Variants in MRRF observed in about 807,000 individuals in gnomAD.
MRRF encodes the protein ribosome-recycling factor, mitochondrial.
In MRRF, 18 loss-of-function variants were observed where a neutral mutation model predicts 25.1. That is an observed-to-expected ratio of 0.72 (90% CI 0.50 to 1.06). The LOEUF (loss-of-function observed/expected upper bound fraction) is 1.06. Ranked by LOEUF, MRRF falls within the 50% of genes least tolerant of loss-of-function variation. MRRF has a pLI of 0.00. For synonymous variants in MRRF, 113 were observed against 112.1 expected (o/e 1.01, Z -0.05); for missense variants, 323 against 319.3 (o/e 1.01, Z -0.09).
chr9:122,274,081 C>T (rs1021821457), intron 2 of MRRF, among the ~76,000 whole-genome samples: 3 of 152,128 alleles, frequency 2.0e-5, no homozygotes, highest in African/African-American at 7.2e-5. Context: ...CTCCTCCCCT[C>T]ACTGTCATTG....
chr9:122,272,277 G>A (rs887674938), intron 2 of MRRF, among the ~76,000 whole-genome samples: 1 of 152,178 alleles, frequency 6.6e-6, no homozygotes, highest in Non-Finnish European at 1.5e-5. Flanking sequence ...CTACAGTACT[G>A]CAGTCTTCTA....
In MRRF at chr9:122,326,744, C is replaced by G. The variant is rs1323278159; in HGVS notation, c.*4127C>G. On this transcript the variant is annotated 3_prime_UTR_variant, in exon 7 of 7. Coordinates refer to ENST00000344641, the MANE Select transcript of MRRF (RefSeq NM_138777.5). ...CAGGCTAACATTTATTGAATGCCTA[C>G]AGTCGGCCAGGTTCCATGCTAGACC... 2.6e-5 allele frequency: 4 copies of G among 152,092 alleles called. No homozygotes were observed. The highest frequency in any genetic ancestry group is 9.7e-5 in the African/African-American group (4 of 41,414). The allele number at this position is 152,092 out of a possible 1,614,324, so 9.4% of individuals were successfully genotyped here. A position where few individuals can be genotyped will look rare whatever the true frequency, so the allele number is the denominator to read the frequency against.
chr9:122,313,262 T>C lies in MRRF; in HGVS notation c.587T>C (p.Leu196Pro). ...TREHREMLVK[L>P]AKQNTNKAKD... Reference sequence around the variant, plus strand: ...GAGCACAGAGAAATGCTGGTGAAACTGGCCAAACAGAACACCAACAAGGCC... The same window carrying C: ...GAGCACAGAGAAATGCTGGTGAAACCGGCCAAACAGAACACCAACAAGGCC... Residue 196 changes from leucine to proline, a missense_variant, in exon 6 of 7, where the codon CTG becomes CCG. Physicochemically the swap from Leu to Pro is moderately conservative, Grantham distance 98 (BLOSUM62 -3). Coordinates refer to ENST00000344641, the MANE Select transcript of MRRF (RefSeq NM_138777.5). 3 of 1,614,100 alleles carry C rather than the reference T, an allele frequency of 1.9e-6. No homozygotes were observed. Among genetic ancestry groups the C allele is most frequent in the Non-Finnish European group, 2.5e-6 (3 of 1,179,970 alleles).
In MRRF at chr9:122,322,761, C is replaced by T. The variant is rs889446120; in HGVS notation, c.*144C>T. The T allele has an allele frequency of 7.9e-6, 6 of 756,266 alleles. No individual in the cohort carries two copies. In the African/African-American group the frequency reaches 1.0e-4, roughly 13 times the overall value. The allele number at this position is 756,266 out of a possible 1,614,324, so 46.8% of individuals were successfully genotyped here. A position where few individuals can be genotyped will look rare whatever the true frequency, so the allele number is the denominator to read the frequency against. The stretch of plus-strand genomic sequence containing the variant: ...GCCTGTCCTTGTAAGGCCCAGCCTT[C>T]CAGGGGAACACTCAGACATGTTCAT... On this transcript the variant is annotated 3_prime_UTR_variant, in exon 7 of 7. Coordinates refer to ENST00000344641, the MANE Select transcript of MRRF (RefSeq NM_138777.5).
At chr9:122,291,256 T>C (rs1833743124) in intron 4 of MRRF, among the ~76,000 whole-genome samples, 1 of 152,226 alleles carries the variant, frequency 6.6e-6, no homozygotes, top group African/African-American at 2.4e-5. Flanking sequence ...CAGAGATTCA[T>C]TGCTCATTCC....
At chr9:122,318,299 C>CT (rs1654270882) in intron 6 of MRRF, among the ~76,000 whole-genome samples, 1 of 152,120 alleles carries the variant, frequency 6.6e-6, no homozygotes, top group Non-Finnish European at 1.5e-5. Flanking sequence ...GCTCAGGACT[C>CT]TGACATCTGC....
chr9:122,292,553 G>T (rs1833843657), intron 5 of MRRF, among the ~76,000 whole-genome samples: 1 of 152,262 alleles, frequency 6.6e-6, no homozygotes, highest in East Asian at 1.9e-4. Flanking sequence ...AAAAAAGCCA[G>T]TGTGTGTGAA....
At chr9:122,265,571 A>G (rs529814114) in intron 1 of MRRF, 14 of 371,960 alleles carry the variant, frequency 3.8e-5, no homozygotes, top group South Asian at 2.9e-4. Context: ...TTTGTTTTAA[A>G]CCACACTGTT....
At chr9:122,267,067 C>T (rs1201110136) in intron 1 of MRRF, among the ~76,000 whole-genome samples, 1 of 134,702 alleles carries the variant, frequency 7.4e-6, no homozygotes, top group East Asian at 2.2e-4. Flanking sequence ...GAGACTCCGT[C>T]TCAAAAAAAA....
intron 2 of MRRF, among the ~76,000 whole-genome samples, chr9:122,273,110 C>T (rs1310767566): frequency 6.6e-6 from 1 of 152,180 alleles, no homozygotes; most frequent in Non-Finnish European, 1.5e-5. Flanking sequence ...TGACTTTCTC[C>T]TTTTCTATAT....
At chr9:122,291,101 T>A (rs926551114) in intron 4 of MRRF, among the ~76,000 whole-genome samples, 6 of 152,312 alleles carry the variant, frequency 3.9e-5, no homozygotes, top group Middle Eastern at 3.4e-3. Flanking sequence ...TGGTCTCAGA[T>A]GATGAAATAT....
intron 5 of MRRF, among the ~76,000 whole-genome samples, chr9:122,312,737 C>G (rs1483822604): frequency 9.2e-5 from 14 of 152,184 alleles, no homozygotes; most frequent in Admixed American, 9.2e-4. Flanking sequence ...CGTGACCTTG[C>G]AAGACTGTCT....
intron 3 of MRRF, among the ~76,000 whole-genome samples, chr9:122,280,827 AG>A (rs1336315334): frequency 6.6e-6 from 1 of 152,240 alleles, no homozygotes; most frequent in Non-Finnish European, 1.5e-5. Context: ...CCTGGCGCAT[AG>A]TTAACACTAC....
chr9:122,307,226 AG>A (rs1194213084), intron 5 of MRRF, among the ~76,000 whole-genome samples: 1 of 152,174 alleles, frequency 6.6e-6, no homozygotes, highest in South Asian at 2.1e-4. Context: ...ATGCTCCTGT[AG>A]GGGGGAGTCC....
intron 5 of MRRF, among the ~76,000 whole-genome samples, chr9:122,295,112 C>T (rs1385044490): frequency 6.6e-6 from 1 of 152,194 alleles, no homozygotes; most frequent in Non-Finnish European, 1.5e-5. Flanking sequence ...CTCTGTGAAT[C>T]TCAGGCAGCT....
Position 122,284,243 on chromosome 9 carries a change from A to G in MRRF, c.341-926A>G, listed in dbSNP as rs978124440. ...TGATGCACAGCCGGATTTGAGTTCCATTTGTAAGGGAAAGAGCCTTGACTG... is the reference window on the plus strand; with the variant it reads ...TGATGCACAGCCGGATTTGAGTTCCGTTTGTAAGGGAAAGAGCCTTGACTG... On this transcript the variant is annotated intron_variant, in intron 3 of 6. Transcript: ENST00000344641. Among the ~76,000 whole-genome samples, 22 of 152,132 alleles carry G rather than the reference A, an allele frequency of 1.4e-4. 1 individual carries two copies. The highest frequency in any genetic ancestry group is 1.3e-3 in the Admixed American group (20 of 15,276).
At chr9:122,290,995 A>G (rs1383530782) in intron 4 of MRRF, among the ~76,000 whole-genome samples, 1 of 152,244 alleles carries the variant, frequency 6.6e-6, no homozygotes, top group Non-Finnish European at 1.5e-5. Context: ...ATATGTTCAT[A>G]TAACTGCCCT....
At chr9:122,308,734 G>A (rs892186001) in intron 5 of MRRF, among the ~76,000 whole-genome samples, 8 of 149,800 alleles carry the variant, frequency 5.3e-5, no homozygotes, top group Non-Finnish European at 8.9e-5. Flanking sequence ...ATGGGGTCAT[G>A]CTGTCTCATC....
chr9:122,312,612 T>G (rs1564511380), intron 5 of MRRF, among the ~76,000 whole-genome samples: 1 of 152,212 alleles, frequency 6.6e-6, no homozygotes, highest in Non-Finnish European at 1.5e-5. Context: ...AGGAATGCTG[T>G]CATACTAAGA....
Sources: allele counts gnomAD v4.1 joint callset (sites outside exome capture counted in the v4.1 genomes callset), GRCh38; gene constraint gnomAD v4.1.1; transcripts MANE v1.5; gene names NCBI Gene and HGNC (gene_info 2026-07-23, HGNC 2026-07-21).